Variants in PCSK2 observed in about 807,000 individuals in gnomAD.
PCSK2 encodes the protein neuroendocrine convertase 2.
A neutral mutation model predicts 69.7 loss-of-function variants in PCSK2; 14 were observed. The ratio of observed to expected loss-of-function variants is 0.20; its 90% confidence interval spans 0.13 to 0.31. The LOEUF (loss-of-function observed/expected upper bound fraction) is 0.31, where lower values mean the gene tolerates loss of function less well. Ranked by LOEUF, PCSK2 falls within the 10% of genes least tolerant of loss-of-function variation. The pLI is 1.00. For synonymous variants in PCSK2, 307 were observed against 320.7 expected (o/e 0.96, Z 0.46); for missense variants, 544 against 842.5 (o/e 0.65, Z 4.39).
At chr20:17,313,547 G>A (rs1196990732) in intron 2 of PCSK2, among the ~76,000 whole-genome samples, 1 of 152,082 alleles carries the variant, frequency 6.6e-6, no homozygotes. Flanking sequence ...GAGAAAGGCT[G>A]GCAAACAAGA....
At chr20:17,272,845 C>A (rs370178973) in intron 2 of PCSK2, among the ~76,000 whole-genome samples, 2 of 152,222 alleles carry the variant, frequency 1.3e-5, no homozygotes, top group East Asian at 3.9e-4. Context: ...AACTCCAACA[C>A]TCTGAATCTG....
chr20:17,434,174 C>G (rs920481249), intron 7 of PCSK2, among the ~76,000 whole-genome samples: 1 of 83,294 alleles, frequency 1.2e-5, no homozygotes, highest in African/African-American at 4.9e-5. Flanking sequence ...CTCTTTGTCT[C>G]TCTCCCTCTA....
At chr20:17,280,892 C>T (rs1467030917) in intron 2 of PCSK2, among the ~76,000 whole-genome samples, 1 of 152,164 alleles carries the variant, frequency 6.6e-6, no homozygotes, top group African/African-American at 2.4e-5. Context: ...TCAGTTGTTC[C>T]GATTTGCTTT....
intron 2 of PCSK2, among the ~76,000 whole-genome samples, chr20:17,318,637 A>C (rs907811490): frequency 6.6e-6 from 1 of 152,148 alleles, no homozygotes; most frequent in African/African-American, 2.4e-5. Flanking sequence ...ATGGTCCAAA[A>C]CCACTTGTGG....
At chr20:17,358,053 C>T (rs1306924908) in intron 2 of PCSK2, among the ~76,000 whole-genome samples, 1 of 152,114 alleles carries the variant, frequency 6.6e-6, no homozygotes, top group Non-Finnish European at 1.5e-5. Flanking sequence ...CGCCTGTAAT[C>T]CCAGCTCTTT....
In PCSK2 at chr20:17,483,114, A is replaced by C. The variant is rs750273041; in HGVS notation, c.*1044A>C. On this transcript the variant is annotated 3_prime_UTR_variant, in exon 12 of 12. Transcript: ENST00000262545. ...TGGAAGAGAAATCTCATACTCCCCC[A>C]CAGTTTGATGTCATTAATGTGTTGG... 4 of 151,112 alleles carry C rather than the reference A, an allele frequency of 2.6e-5. No homozygotes were observed. Among genetic ancestry groups the C allele is most frequent in the African/African-American group, 9.7e-5 (4 of 41,046 alleles). The allele number at this position is 151,112 out of a possible 1,614,324, so 9.4% of individuals were successfully genotyped here. A position where few individuals can be genotyped will look rare whatever the true frequency, so the allele number is the denominator to read the frequency against.
chr20:17,414,367 C>A (rs1158488529), intron 6 of PCSK2, among the ~76,000 whole-genome samples: 2 of 152,132 alleles, frequency 1.3e-5, no homozygotes, highest in Non-Finnish European at 2.9e-5. Flanking sequence ...CCACCGATCC[C>A]ACAGAAATAC....
At chr20:17,307,206 A>C (rs988562797) in intron 2 of PCSK2, among the ~76,000 whole-genome samples, 4 of 152,240 alleles carry the variant, frequency 2.6e-5, no homozygotes, top group South Asian at 2.1e-4. Flanking sequence ...AATAAGGAAT[A>C]GTCTCTAATC....
At chr20:17,387,958 T>G (rs1017256371) in intron 5 of PCSK2, among the ~76,000 whole-genome samples, 17 of 152,336 alleles carry the variant, frequency 1.1e-4, no homozygotes, top group Admixed American at 1.1e-3. Flanking sequence ...GGCTGCCAGT[T>G]AAGGGAAGAT....
chr20:17,249,821 GGT>G (rs1350773140), intron 1 of PCSK2, among the ~76,000 whole-genome samples: 1 of 151,826 alleles, frequency 6.6e-6, no homozygotes, highest in Non-Finnish European at 1.5e-5. Flanking sequence ...AGTGTAGAAA[GGT>G]GGATTCCAGG....
At chr20:17,308,178 A>G (rs971451301) in intron 2 of PCSK2, among the ~76,000 whole-genome samples, 1 of 152,214 alleles carries the variant, frequency 6.6e-6, no homozygotes, top group African/African-American at 2.4e-5. Flanking sequence ...ATTCACTGTC[A>G]TGATAATGGC....
At chr20:17,348,232 T>G (rs1418035202) in intron 2 of PCSK2, among the ~76,000 whole-genome samples, 1 of 152,212 alleles carries the variant, frequency 6.6e-6, no homozygotes, top group African/African-American at 2.4e-5. Context: ...TCCAGCTGGC[T>G]TCTCTTCTCA....
intron 2 of PCSK2, among the ~76,000 whole-genome samples, chr20:17,317,033 TGA>T (rs1323298909): frequency 6.6e-6 from 1 of 152,254 alleles, no homozygotes; most frequent in African/African-American, 2.4e-5. Flanking sequence ...CTCAGCTTTT[TGA>T]GAGTGCCACA....
chr20:17,468,612 G>A (rs1404019388), intron 11 of PCSK2, among the ~76,000 whole-genome samples: 1 of 151,298 alleles, frequency 6.6e-6, no homozygotes, highest in Non-Finnish European at 1.5e-5. Context: ...TCCTCCACGG[G>A]CCAGTGTCCT....
At chr20:17,242,010 G>A (rs1445352859) in intron 1 of PCSK2, among the ~76,000 whole-genome samples, 1 of 152,110 alleles carries the variant, frequency 6.6e-6, no homozygotes, top group Non-Finnish European at 1.5e-5. Flanking sequence ...TCATTATCTG[G>A]GTGTCATTCT....
At position 17,436,854 on chromosome 20, in the gene PCSK2, C is replaced by T; in HGVS notation, c.856C>T (p.Leu286=). ...AGTGGATGGGCCCCGGGAGCTCACG[C>T]TGCAGGCCATGGCCGATGGCGTGAA... ...KTVDGPRELT[L]QAMADGVNKG... Residue 286 remains leucine, a synonymous_variant, in exon 8 of 12, where the codon CTG becomes TTG. Coordinates refer to ENST00000262545, the MANE Select transcript of PCSK2 (RefSeq NM_002594.5). 1 of 1,613,262 alleles carries T rather than the reference C, an allele frequency of 6.2e-7. No individual in the cohort carries two copies. The highest frequency in any genetic ancestry group is 8.5e-7 in the Non-Finnish European group (1 of 1,179,804).
chr20:17,246,259 C>T (rs183502522), intron 1 of PCSK2, among the ~76,000 whole-genome samples: 2 of 152,168 alleles, frequency 1.3e-5, no homozygotes, highest in Non-Finnish European at 2.9e-5. Flanking sequence ...GATTCTTCTG[C>T]TCCCTACTAC....
chr20:17,304,995 A>G (rs183708699), intron 2 of PCSK2, among the ~76,000 whole-genome samples: 2 of 152,102 alleles, frequency 1.3e-5, no homozygotes, highest in Non-Finnish European at 2.9e-5. Context: ...TCTCCTTTCA[A>G]TCTCATTTCA....
intron 1 of PCSK2, among the ~76,000 whole-genome samples, chr20:17,241,117 C>T (rs964031899): frequency 1.3e-4 from 20 of 152,120 alleles, no homozygotes; most frequent in African/African-American, 4.6e-4. Flanking sequence ...ATATATAGTG[C>T]ATGTGAGGCC....
Sources: gnomAD v4.1 joint callset for allele counts (sites outside exome capture counted in the v4.1 genomes callset) on GRCh38, gnomAD v4.1.1 for gene constraint, MANE v1.5 for transcripts, NCBI Gene and HGNC (gene_info 2026-07-23, HGNC 2026-07-21) for gene names.